The following KAZN variants were observed in gnomAD, a reference collection of about 807,000 sequenced individuals.
KAZN encodes the protein kazrin.
In KAZN, 40 loss-of-function variants were observed where a neutral mutation model predicts 87.4. The ratio of observed to expected loss-of-function variants is 0.46; its 90% CI spans 0.36 to 0.60. The LOEUF (loss-of-function observed/expected upper bound fraction) is 0.60, where lower values mean the gene tolerates loss of function less well. KAZN is among the 20% of genes least tolerant of loss of function. KAZN has a pLI of 0.00. For synonymous variants in KAZN, 466 were observed against 458.3 expected, an observed-to-expected ratio of 1.02 and a Z score of -0.22; for missense variants, 898 against 1,073.9, an observed-to-expected ratio of 0.84 and a Z score of 2.29.
intron 3 of KAZN, among the ~76,000 whole-genome samples, chr1:15,039,853 CG>C (rs942455204): frequency 1.3e-5 from 2 of 152,162 alleles, no homozygotes; most frequent in African/African-American, 4.8e-5. Context: ...CTATGACTGC[CG>C]GGGGCAGCTC....
chr1:13,901,047 AAAAAAAAC>A (rs796786404), intron 1 of KAZN, among the ~76,000 whole-genome samples: 252 of 151,988 alleles, frequency 1.7e-3, no homozygotes, highest in African/African-American at 5.9e-3. Flanking sequence ...TCATTGAAAA[AAAAAAAAC>A]AAAAAACAAA....
At chr1:14,636,201 AC>A (rs968265455) in intron 1 of KAZN, among the ~76,000 whole-genome samples, 75 of 152,204 alleles carry the variant, frequency 4.9e-4, no homozygotes, top group African/African-American at 1.7e-3. Flanking sequence ...GGGGCAAGGC[AC>A]CTCCGTCTCT....
chr1:14,916,038 T>C (rs564383542), intron 1 of KAZN, among the ~76,000 whole-genome samples: 2 of 152,192 alleles, frequency 1.3e-5, no homozygotes, highest in Non-Finnish European at 2.9e-5. Context: ...ATAATAATAG[T>C]ACACTTACCT....
chr1:14,506,154 G>A (rs760897875), intron 2 of KAZN, among the ~76,000 whole-genome samples: 6 of 152,186 alleles, frequency 3.9e-5, no homozygotes, highest in Non-Finnish European at 8.8e-5. Context: ...CCAGAAAGAT[G>A]ATACCACTTG....
intron 1 of KAZN, chr1:14,945,882 C>T (rs1661712349): frequency 2.0e-6 from 2 of 985,340 alleles, no homozygotes; most frequent in Non-Finnish European, 2.4e-6. Context: ...GCTCTCCTTT[C>T]CTGTCGCCTC....
intron 2 of KAZN, among the ~76,000 whole-genome samples, chr1:14,544,849 T>G (rs1673043280): frequency 6.6e-6 from 1 of 151,882 alleles, no homozygotes. Flanking sequence ...GGATTATAGG[T>G]GTAAGCCACC....
upstream of KAZN, among the ~76,000 whole-genome samples, chr1:14,595,768 A>G (rs552556435): frequency 4.6e-5 from 7 of 152,160 alleles, no homozygotes; most frequent in South Asian, 1.0e-3. Flanking sequence ...CGCAGAGGCT[A>G]ATTGATTGCA....
At chr1:15,109,961 ATGTG>A (rs148084709) in intron 13 of KAZN, among the ~76,000 whole-genome samples, 1 of 137,050 alleles carries the variant, frequency 7.3e-6, no homozygotes, top group Non-Finnish European at 1.6e-5. Context: ...GTGTTTGTAT[ATGTG>A]TGTTTGTATG....
At chr1:14,483,626 A>G (rs537958057) in intron 2 of KAZN, among the ~76,000 whole-genome samples, 173 of 152,274 alleles carry the variant, frequency 1.1e-3, no homozygotes, top group Non-Finnish European at 2.0e-3. Flanking sequence ...GTTATGTTAC[A>G]ATTTGGTTTT....
intron 1 of KAZN, among the ~76,000 whole-genome samples, chr1:14,942,992 CGTGT>C (rs36110375): frequency 8.5e-6 from 1 of 117,674 alleles, no homozygotes; most frequent in South Asian, 3.0e-4. Flanking sequence ...ATGTGAGCTG[CGTGT>C]GTGTGTGTGT....
At chr1:14,698,436 T>C (rs1262598348) in intron 1 of KAZN, among the ~76,000 whole-genome samples, 3 of 152,238 alleles carry the variant, frequency 2.0e-5, no homozygotes, top group African/African-American at 7.2e-5. Flanking sequence ...CAGATTCTGC[T>C]GATTTGCCGT....
intron 1 of KAZN, among the ~76,000 whole-genome samples, chr1:14,799,482 C>T (rs1046709213): frequency 6.6e-6 from 1 of 152,190 alleles, no homozygotes; most frequent in Non-Finnish European, 1.5e-5. Flanking sequence ...AGAATATTGA[C>T]GTGGACCGAC....
chr1:14,318,829 C>T (rs1655835734), intron 2 of KAZN, among the ~76,000 whole-genome samples: 1 of 151,530 alleles, frequency 6.6e-6, no homozygotes, highest in Non-Finnish European at 1.5e-5. Flanking sequence ...CCAGTTAAGT[C>T]TTAGTTTCAG....
At chr1:14,530,012 G>A (rs918786568) in intron 2 of KAZN, among the ~76,000 whole-genome samples, 6 of 152,196 alleles carry the variant, frequency 3.9e-5, no homozygotes, top group African/African-American at 1.2e-4. Flanking sequence ...GACTTCAGTG[G>A]CAGGTGATAG....
chr1:14,540,264 G>C (rs1434851354), intron 2 of KAZN, among the ~76,000 whole-genome samples: 1 of 152,204 alleles, frequency 6.6e-6, no homozygotes, highest in Non-Finnish European at 1.5e-5. Context: ...CCAAATGCCA[G>C]AGTGGTCACT....
intron 2 of KAZN, among the ~76,000 whole-genome samples, chr1:14,299,151 C>T (rs920418166): frequency 3.9e-5 from 6 of 152,274 alleles, no homozygotes; most frequent in African/African-American, 1.4e-4. Context: ...AACATGATTC[C>T]TACTCTCATG....
chr1:14,597,198 G>A (rs1676563159), upstream of KAZN, among the ~76,000 whole-genome samples: 1 of 152,202 alleles, frequency 6.6e-6, no homozygotes, highest in Non-Finnish European at 1.5e-5. Flanking sequence ...TGAGGTTAAG[G>A]TCAGGGTTCG....
intron 2 of KAZN, among the ~76,000 whole-genome samples, chr1:14,196,166 C>A (rs2100384139): frequency 6.6e-6 from 1 of 152,128 alleles, no homozygotes; most frequent in African/African-American, 2.4e-5. Flanking sequence ...GGAGGGTGAG[C>A]AAGGGTGAGA....
intron 1 of KAZN, among the ~76,000 whole-genome samples, chr1:13,978,050 C>T (rs2101066553): frequency 6.8e-6 from 1 of 146,440 alleles, no homozygotes; most frequent in East Asian, 2.0e-4. Flanking sequence ...ATGGCGTGAA[C>T]CTGGGAGGCG....
Sources: allele counts gnomAD v4.1 joint callset (sites outside exome capture counted in the v4.1 genomes callset), GRCh38; gene constraint gnomAD v4.1.1; transcripts MANE v1.5; gene names NCBI Gene and HGNC (gene_info 2026-07-23, HGNC 2026-07-21).